The following ABL1 variants were observed in gnomAD, a reference collection of about 807,000 sequenced individuals.
ABL1 encodes ABL proto-oncogene 1, non-receptor tyrosine kinase.
In ABL1, 11 loss-of-function variants were observed where a neutral mutation model predicts 94.7. That is an observed-to-expected ratio of 0.12 (90% CI 0.07 to 0.19). ABL1 has a LOEUF of 0.19. Among genes scored for constraint, ABL1 ranks in the 10% least tolerant of loss-of-function variants. The pLI, the probability that ABL1 is intolerant of heterozygous loss-of-function variation, is 1.00. For synonymous variants in ABL1, 656 were observed against 622.4 expected (o/e 1.05, Z -0.80); for missense variants, 1,082 against 1,489.4 (o/e 0.73, Z 4.50).
intron 1 of ABL1, among the ~76,000 whole-genome samples, chr9:130,797,236 G>GGAAAAAA (rs1491324780): frequency 5.4e-5 from 3 of 55,168 alleles, no homozygotes; most frequent in African/African-American, 1.8e-4. Flanking sequence ...ACTCCATCTC[G>GGAAAAAA]AAAAAAAAAA....
intron 1 of ABL1, among the ~76,000 whole-genome samples, chr9:130,807,609 A>G (rs1049550707): frequency 1.3e-5 from 2 of 149,258 alleles, no homozygotes; most frequent in Non-Finnish European, 3.0e-5. Flanking sequence ...GATTTTTATT[A>G]TAAGTTTAAA....
intron 1 of ABL1, among the ~76,000 whole-genome samples, chr9:130,776,802 G>A (rs1438983081): frequency 6.6e-6 from 1 of 152,116 alleles, no homozygotes; most frequent in East Asian, 1.9e-4. Flanking sequence ...ATGTTGCCCA[G>A]CCTGGTCCCA....
upstream of ABL1, among the ~76,000 whole-genome samples, chr9:130,832,846 G>C (rs760054660): frequency 2.0e-5 from 3 of 152,078 alleles, no homozygotes; most frequent in Non-Finnish European, 2.9e-5. Context: ...AATGCTCTTC[G>C]TATCTTTCAA....
intron 3 of ABL1, among the ~76,000 whole-genome samples, chr9:130,861,709 G>A (rs928501584): frequency 6.6e-6 from 1 of 152,162 alleles, no homozygotes; most frequent in African/African-American, 2.4e-5. Context: ...TGAATGCCTA[G>A]TCATGATTTT....
intron 1 of ABL1, among the ~76,000 whole-genome samples, chr9:130,736,791 G>T (rs187299273): frequency 6.6e-6 from 1 of 152,096 alleles, no homozygotes; most frequent in Non-Finnish European, 1.5e-5. Flanking sequence ...GTGCCCGGCC[G>T]GTTGAACGTT....
chr9:130,886,119 G>C lies in ABL1; in HGVS notation c.*436G>C. On this transcript the variant is annotated 3_prime_UTR_variant, in exon 11 of 11. Transcript: ENST00000318560. ...TTCTCCAAGAATGGAAGCCTGAACTGAGGCCTTGTGTGTCAGGCCCTCTGC... is the reference window on the plus strand; with the variant it reads ...TTCTCCAAGAATGGAAGCCTGAACTCAGGCCTTGTGTGTCAGGCCCTCTGC... The C allele has an allele frequency of 3.9e-6, 1 of 254,106 alleles. No individual in the cohort carries two copies. The highest frequency in any genetic ancestry group is 7.6e-6 in the Non-Finnish European group (1 of 131,074). The allele number at this position is 254,106 out of a possible 1,614,324, so 15.7% of individuals were successfully genotyped here.
At chr9:130,731,576 T>C (rs1007362864) in intron 1 of ABL1, among the ~76,000 whole-genome samples, 2 of 152,186 alleles carry the variant, frequency 1.3e-5, no homozygotes, top group African/African-American at 4.8e-5. Flanking sequence ...AAATCAGGTA[T>C]ACATGTACGT....
At position 130,781,319 on chromosome 9, in the gene ABL1, T is replaced by G. The variant is rs34709284; in HGVS notation, c.136+66864T>G. Among the ~76,000 whole-genome samples the G allele has an allele frequency of 4.7e-3, 714 of 152,326 alleles. 10 individuals carry two copies. The highest frequency in any genetic ancestry group is 0.016 in the African/African-American group (670 of 41,570). On this transcript the variant is annotated intron_variant, in intron 1 of 10. Coordinates refer to the ABL1 transcript ENST00000372348. ...TAGGGTGATTGGTTTGGGAGGGCAC[T>G]GGTACAGTAATTCTCCACCTCTCAC...
intron 1 of ABL1, among the ~76,000 whole-genome samples, chr9:130,853,733 T>G (rs1162133943): frequency 1.3e-5 from 2 of 152,192 alleles, no homozygotes; most frequent in African/African-American, 4.8e-5. Context: ...AAATTTTCAT[T>G]GCATATTTTA....
Position 130,769,999 on chromosome 9 carries a change from G to A in ABL1, c.136+55544G>A, listed in dbSNP as rs193147256. Among the ~76,000 whole-genome samples, 187 of 152,228 alleles carry A rather than the reference G, an allele frequency of 1.2e-3. 2 individuals carry two copies. The Middle Eastern group carries it at 0.014, about 11-fold the overall frequency. On this transcript the variant is annotated intron_variant, in intron 1 of 10. Transcript: ENST00000372348. The stretch of plus-strand genomic sequence containing the variant: ...ATATAATGGGTGAGGAGTCAACCAC[G>A]TTGTTGCATGTTATCCACATTTCCT...
At chr9:130,881,511 G>A (rs570168521) in intron 10 of ABL1, among the ~76,000 whole-genome samples, 1 of 152,320 alleles carries the variant, frequency 6.6e-6, no homozygotes, top group Admixed American at 6.5e-5. Flanking sequence ...GCTTGTGCAG[G>A]GGAAGTCCGC....
rs556586112 is a variant in ABL1 at position 130,862,791 on chromosome 9, A to G, written c.578A>G (p.Asn193Ser). The change falls in exon 4 of 11, where the codon AAC (asparagine) becomes AGC (serine). Residue 193 changes from asparagine (N) to serine (S), a missense_variant. Transcript: ENST00000318560. This position sits in a 1 kb window ranked among gnomAD's most constrained non-coding sequence, Gnocchi z 5.5. ...TACGTCTCCTCCGAGAGCCGCTTCA[A>G]CACCCTGGCCGAGTTGGTTCATCAT... Reference protein sequence around the residue: ...KLYVSSESRFNTLAELVHHHS... With the variant: ...KLYVSSESRFSTLAELVHHHS... 1 of 1,613,982 alleles carries G rather than the reference A, an allele frequency of 6.2e-7. No individual in the cohort carries two copies. The highest frequency in any genetic ancestry group is 1.1e-5 in the South Asian group (1 of 91,034).
chr9:130,850,913 T>A (rs1830847760), intron 1 of ABL1, among the ~76,000 whole-genome samples: 2 of 130,174 alleles, frequency 1.5e-5, no homozygotes, highest in South Asian at 5.0e-4. Context: ...TTTGTTTGTT[T>A]TTGTTTGTTT....
At chr9:130,819,694 A>G (rs1400481231) in intron 1 of ABL1, among the ~76,000 whole-genome samples, 1 of 151,426 alleles carries the variant, frequency 6.6e-6, no homozygotes, top group Non-Finnish European at 1.5e-5. Context: ...ACACACCACC[A>G]TGCCCGGCTA....
chr9:130,845,428 A>G (rs1026446243), intron 1 of ABL1, among the ~76,000 whole-genome samples: 1 of 151,054 alleles, frequency 6.6e-6, no homozygotes, highest in Admixed American at 6.6e-5. Context: ...TGCAACCTCC[A>G]CCTTCCGGGT....
chr9:130,776,676 G>T (rs1325398966), intron 1 of ABL1, among the ~76,000 whole-genome samples: 1 of 152,120 alleles, frequency 6.6e-6, no homozygotes, highest in Admixed American at 6.5e-5. Flanking sequence ...AGCCCTGGAG[G>T]AGCTGGGGGG....
chr9:130,865,908 C>G (rs79541834), intron 4 of ABL1, among the ~76,000 whole-genome samples: 32 of 152,230 alleles, frequency 2.1e-4, no homozygotes, highest in East Asian at 1.2e-3. Context: ...TAAGATCCTT[C>G]CAGGTTGAGC....
Position 130,782,324 on chromosome 9 carries a change from G to A in ABL1, c.136+67869G>A, listed in dbSNP as rs529971350. On this transcript the variant is annotated intron_variant, in intron 1 of 10. Coordinates refer to the ABL1 transcript ENST00000372348. The stretch of plus-strand genomic sequence containing the variant: ...GATCCGCCTGCCTTGGCCTCCCAAA[G>A]TGCTGGGATTACAGGCGTGAGCCAC... 8.5e-5 allele frequency among the ~76,000 whole-genome samples: 13 copies of A among 152,292 alleles called. No individual in the cohort carries two copies. In the South Asian group the frequency reaches 1.9e-3, roughly 22 times the overall value.
In ABL1 at chr9:130,884,316, T is replaced by A. The variant is rs1831524283; in HGVS notation, c.2026T>A (p.Ser676Thr). 1 of 1,611,254 alleles carries A rather than the reference T, an allele frequency of 6.2e-7. No homozygotes were observed. The highest frequency in any genetic ancestry group is 8.5e-7 in the Non-Finnish European group (1 of 1,179,196). ...GGTCCCCAATGGAGCCCTCCGGGAGTCCGGGGGCTCAGGCTTCCGGTCTCC... is the reference window on the plus strand; with the variant it reads ...GGTCCCCAATGGAGCCCTCCGGGAGACCGGGGGCTCAGGCTTCCGGTCTCC... ...AGVPNGALRE[S>T]GGSGFRSPHL... is the part of the protein sequence containing the mutation. The change falls in exon 11 of 11, where the codon TCC (serine) becomes ACC (threonine). Residue 676 changes from serine to threonine, a missense_variant. By Grantham distance (58) the Ser-to-Thr change is moderately conservative. Around this residue, in one of 7 missense-constraint regions of ABL1, gnomAD observed 780 missense variants for 835.8 expected, o/e 0.93. Coordinates refer to ENST00000318560, the MANE Select transcript of ABL1 (RefSeq NM_005157.6). The surrounding 1 kb of genome is among the most constrained non-coding windows in gnomAD (Gnocchi z 5.6).
Sources: allele counts gnomAD v4.1 joint callset (sites outside exome capture counted in the v4.1 genomes callset), GRCh38; gene constraint gnomAD v4.1.1; regional missense constraint gnomAD v4.1.1; non-coding constraint Gnocchi (gnomAD v3.1); transcripts MANE v1.5; gene names NCBI Gene and HGNC (gene_info 2026-07-23, HGNC 2026-07-21).